The following PKNOX1 variants were observed in gnomAD, a reference collection of about 807,000 sequenced individuals.
PKNOX1 encodes PBX/knotted 1 homeobox 1, also known as homeobox protein PKNOX1.
In PKNOX1, 15 loss-of-function variants were observed where a neutral mutation model predicts 51.9. The observed-to-expected ratio is 0.29, with a 90% CI of 0.19 to 0.45. The LOEUF is 0.45. PKNOX1 is among the 20% of genes least tolerant of loss of function. The probability of loss-of-function intolerance (pLI) is 1.00; values close to 1 mark genes in which losing one functional copy is unlikely to be tolerated. For synonymous variants in PKNOX1, 219 were observed against 211.1 expected (o/e 1.04, Z -0.32); for missense variants, 462 against 547.5 (o/e 0.84, Z 1.56).
intron 7 of PKNOX1, among the ~76,000 whole-genome samples, chr21:43,019,925 ATTTTTTTT>A (rs60174298): frequency 1.2e-5 from 1 of 85,890 alleles, no homozygotes; most frequent in South Asian, 4.2e-4. Flanking sequence ...AGGTGCTCTG[ATTTTTTTT>A]TTTTTTTTTT....
Position 43,030,140 on chromosome 21 carries a change from C to A in PKNOX1, c.*39C>A. Reference sequence around the variant, plus strand: ...CGCACCTGACTTTTTGGAGTTTGCACAGCAAACATTTTACACAGTTTTATT... The same window carrying A: ...CGCACCTGACTTTTTGGAGTTTGCAAAGCAAACATTTTACACAGTTTTATT... On this transcript the variant is annotated 3_prime_UTR_variant, in exon 11 of 11. Coordinates refer to ENST00000291547, the MANE Select transcript of PKNOX1 (RefSeq NM_004571.5). The A allele has an allele frequency of 7.0e-7, 1 of 1,426,318 alleles. No homozygotes were observed. The highest frequency in any genetic ancestry group is 9.6e-7 in the Non-Finnish European group (1 of 1,036,332). 88.4% of individuals were successfully genotyped at this position (1,426,318 alleles called of 1,614,324 possible).
At chr21:42,998,353 T>C (rs536904239) in intron 1 of PKNOX1, among the ~76,000 whole-genome samples, 10 of 152,258 alleles carry the variant, frequency 6.6e-5, no homozygotes, top group Non-Finnish European at 1.5e-4. Context: ...ATGTGGGAAT[T>C]CAAGATGAGA....
chr21:43,009,335 C>G (rs143552354), intron 3 of PKNOX1, among the ~76,000 whole-genome samples: 2,446 of 152,192 alleles, frequency 0.016, 83 homozygotes, highest in African/African-American at 0.055. Context: ...GTCCTAGCTA[C>G]TTGGGAGGCT....
chr21:43,029,562 G>A (rs1038297555), intron 10 of PKNOX1, among the ~76,000 whole-genome samples: 21 of 151,070 alleles, frequency 1.4e-4, no homozygotes, highest in African/African-American at 5.1e-4. Flanking sequence ...CGAGTAGCTC[G>A]GAGTAGCTAC....
chr21:43,008,969 A>G (rs1487816223), intron 3 of PKNOX1, among the ~76,000 whole-genome samples: 1 of 152,174 alleles, frequency 6.6e-6, no homozygotes, highest in Non-Finnish European at 1.5e-5. Flanking sequence ...CAACTGATGA[A>G]TGAACAGACA....
At position 42,991,244 on chromosome 21, in the gene PKNOX1, C is replaced by T. The variant is rs1284854908; in HGVS notation, c.-56-13082C>T. ...ACTCACAGCTGTAACCCCAGCATTTCGTGAGGCCAAGGTGGGAGGATCGCT... is the reference window on the plus strand; with the variant it reads ...ACTCACAGCTGTAACCCCAGCATTTTGTGAGGCCAAGGTGGGAGGATCGCT... On this transcript the variant is annotated intron_variant, in intron 1 of 10. Transcript: ENST00000291547. Among the ~76,000 whole-genome samples, 8 of 151,640 alleles carry T rather than the reference C, an allele frequency of 5.3e-5. No individual in the cohort carries two copies. The East Asian group carries it at 1.4e-3, about 26-fold the overall frequency.
At position 43,033,477 on chromosome 21, in the gene PKNOX1, T is replaced by C. The variant is rs1211367442; in HGVS notation, c.*3376T>C. The C allele has an allele frequency of 6.6e-6, 1 of 152,660 alleles. No individual in the cohort carries two copies. Among genetic ancestry groups the C allele is most frequent in the Admixed American group, 6.5e-5 (1 of 15,288 alleles). 9.5% of individuals were successfully genotyped at this position (152,660 alleles called of 1,614,324 possible). A position where few individuals can be genotyped will look rare whatever the true frequency, so the allele number is the denominator to read the frequency against. On this transcript the variant is annotated 3_prime_UTR_variant, in exon 11 of 11. Transcript: ENST00000291547. ...TTTGAAACTGACAATCTTTGAAATGTGAATACTGTAACAATATGTTTTCTT... is the reference window on the plus strand; with the variant it reads ...TTTGAAACTGACAATCTTTGAAATGCGAATACTGTAACAATATGTTTTCTT...
chr21:43,029,501 C>A (rs1003862857), intron 10 of PKNOX1, among the ~76,000 whole-genome samples: 5 of 135,838 alleles, frequency 3.7e-5, no homozygotes, highest in African/African-American at 1.4e-4. Context: ...AATCTCGGCT[C>A]ACTGAAACCT....
chr21:43,010,216 G>A lies in PKNOX1; in HGVS notation c.343G>A (p.Asp115Asn), dbSNP rs1483019751. The change falls in exon 4 of 11, where the codon GAT becomes AAT. Residue 115 changes from aspartate (D) to asparagine (N), a missense_variant. Asp to Asn is a conservative substitution (Grantham distance 23). Transcript: ENST00000291547. ...TTTCTTTTGTGAAGATCCAGAAACT[G>A]ATAATTTAGTAAGTAAAATAAATTT... Reference protein sequence around the residue: ...KPFFCEDPETDNLMVKAIQVL... With the variant: ...KPFFCEDPETNNLMVKAIQVL... 5 of 1,492,608 alleles carry A rather than the reference G, an allele frequency of 3.3e-6. No individual in the cohort carries two copies. The highest frequency in any genetic ancestry group is 3.6e-6 in the Non-Finnish European group (4 of 1,098,078). The allele number at this position is 1,492,608 out of a possible 1,614,324, so 92.5% of individuals were successfully genotyped here.
In PKNOX1 at chr21:43,022,229, G is replaced by A. The variant is rs145147831; in HGVS notation, c.849+798G>A. On this transcript the variant is annotated intron_variant, in intron 8 of 10. Transcript: ENST00000291547. ...CCTGTGTCCCAGCCTCCTCCTCCTC[G>A]GCCTTCTGCACTGCATCTGCCCTGC... is the stretch of plus-strand genomic sequence containing the variant. Among the ~76,000 whole-genome samples the A allele has an allele frequency of 7.1e-3, 1,079 of 152,248 alleles. 6 individuals are homozygous for A. The highest frequency in any genetic ancestry group is 0.011 in the Admixed American group (164 of 15,298).
chr21:42,987,404 A>AAAAAAAAAATATATAT, intron 1 of PKNOX1, among the ~76,000 whole-genome samples: 9 of 41,414 alleles, frequency 2.2e-4, no homozygotes, highest in South Asian at 7.7e-4. Context: ...AAAAAAAAAA[A>AAAAAAAAAATATATAT]ATATATATAT....
intron 8 of PKNOX1, among the ~76,000 whole-genome samples, chr21:43,022,695 C>T (rs990086728): frequency 2.6e-5 from 4 of 152,056 alleles, no homozygotes; most frequent in Non-Finnish European, 5.9e-5. Flanking sequence ...CACAAGAAAA[C>T]GGAAAGATTT....
At chr21:43,011,339 G>A (rs1979242213) in intron 4 of PKNOX1, among the ~76,000 whole-genome samples, 1 of 152,108 alleles carries the variant, frequency 6.6e-6, no homozygotes, top group Non-Finnish European at 1.5e-5. Flanking sequence ...AAAGTGCAGG[G>A]ATTACAGGTG....
In PKNOX1 at chr21:42,987,954, A is replaced by G. The variant is rs540015066; in HGVS notation, c.-57+13290A>G. Among the ~76,000 whole-genome samples, 4 of 151,958 alleles carry G rather than the reference A, an allele frequency of 2.6e-5. No individual in the cohort carries two copies. The South Asian group carries it at 8.3e-4, about 32-fold the overall frequency. On this transcript the variant is annotated intron_variant, in intron 1 of 10. Transcript: ENST00000291547. ...AAAGACCTGTAAAGAAAGCATACGT[A>G]ATACAGACAGTATGTGACCCACAAA...
At chr21:42,985,148 C>T (rs577850541) in intron 1 of PKNOX1, among the ~76,000 whole-genome samples, 5 of 151,572 alleles carry the variant, frequency 3.3e-5, no homozygotes, top group Admixed American at 6.6e-5. Flanking sequence ...CCACCATGCC[C>T]GGCTAATTTT....
At position 43,020,122 on chromosome 21, in the gene PKNOX1, G is replaced by A. The variant is rs540693593; in HGVS notation, c.721-1181G>A. Among the ~76,000 whole-genome samples, 30 of 151,114 alleles carry A rather than the reference G, an allele frequency of 2.0e-4. No individual in the cohort carries two copies. The East Asian group carries it at 5.5e-3, about 28-fold the overall frequency. ...AATTTTTAAATGTTTTTGTAAAGAC[G>A]GGGTCTCACTATGTTGCCCATGCTG... On this transcript the variant is annotated intron_variant, in intron 7 of 10. Transcript: ENST00000291547.
chr21:43,007,237 A>G (rs1050413061), intron 2 of PKNOX1, among the ~76,000 whole-genome samples: 1 of 152,242 alleles, frequency 6.6e-6, no homozygotes, highest in African/African-American at 2.4e-5. Context: ...TCATTAGGCC[A>G]TCGCCAGTGT....
intron 1 of PKNOX1, among the ~76,000 whole-genome samples, chr21:42,993,718 G>A (rs1459130917): frequency 2.6e-5 from 2 of 77,710 alleles, no homozygotes; most frequent in Non-Finnish European, 4.6e-5. Context: ...TTTGGTATTC[G>A]TTAACTCTTT....
intron 1 of PKNOX1, among the ~76,000 whole-genome samples, chr21:42,994,116 C>T (rs552631014): frequency 2.8e-5 from 4 of 144,484 alleles, no homozygotes; most frequent in Non-Finnish European, 6.0e-5. Context: ...TCACGGCTCA[C>T]TGCAGCCTCG....
Sources: gnomAD v4.1 joint callset for allele counts (sites outside exome capture counted in the v4.1 genomes callset) on GRCh38, gnomAD v4.1.1 for gene constraint, MANE v1.5 for transcripts, NCBI Gene and HGNC (gene_info 2026-07-23, HGNC 2026-07-21) for gene names.